BRINP3: variants seen among roughly 807,000 people sequenced by gnomAD.
BRINP3 encodes BMP/retinoic acid-inducible neural-specific protein 3.
In BRINP3, 19 loss-of-function variants were observed where a neutral mutation model predicts 71.0. That is an observed-to-expected ratio of 0.27 (90% CI 0.19 to 0.39). The LOEUF (loss-of-function observed/expected upper bound fraction) is 0.39, where lower values mean the gene tolerates loss of function less well. BRINP3 is among the 10% of genes least tolerant of loss of function. The pLI is 1.00. For synonymous variants in BRINP3, 380 were observed against 337.7 expected (o/e 1.13, Z -1.37); for missense variants, 959 against 940.8 (o/e 1.02, Z -0.25).
chr1:190,179,662 A>G (rs1652855586), intron 6 of BRINP3, among the ~76,000 whole-genome samples: 1 of 152,188 alleles, frequency 6.6e-6, no homozygotes, highest in South Asian at 2.1e-4. Flanking sequence ...GAGTCTCTCA[A>G]TGAAAACAAG....
chr1:190,243,565 G>A (rs1431820931), intron 4 of BRINP3, among the ~76,000 whole-genome samples: 1 of 152,038 alleles, frequency 6.6e-6, no homozygotes, highest in Admixed American at 6.6e-5. Context: ...CTCTAGCTGG[G>A]CTAATGAGTT....
chr1:190,376,400 T>C (rs946184078), intron 2 of BRINP3, among the ~76,000 whole-genome samples: 1 of 152,076 alleles, frequency 6.6e-6, no homozygotes, highest in Non-Finnish European at 1.5e-5. Flanking sequence ...ATCAGTGCTG[T>C]TAAATGAAAT....
chr1:190,288,054 A>G (rs936386830), intron 2 of BRINP3, among the ~76,000 whole-genome samples: 13 of 152,102 alleles, frequency 8.5e-5, no homozygotes, highest in Admixed American at 6.6e-4. Flanking sequence ...CTGTAAAAAC[A>G]TACAAACATG....
intron 4 of BRINP3, among the ~76,000 whole-genome samples, chr1:190,240,674 C>T (rs1267340529): frequency 6.6e-6 from 1 of 151,542 alleles, no homozygotes; most frequent in Non-Finnish European, 1.5e-5. Context: ...AGTTTGAGAC[C>T]AGCCTGATCA....
chr1:190,260,553 T>C (rs1170581530), intron 4 of BRINP3, among the ~76,000 whole-genome samples: 1 of 151,900 alleles, frequency 6.6e-6, no homozygotes, highest in Non-Finnish European at 1.5e-5. Flanking sequence ...AACATATATA[T>C]ATATAGAGAG....
chr1:190,281,056 T>G (rs1662999277), intron 3 of BRINP3, among the ~76,000 whole-genome samples: 1 of 151,964 alleles, frequency 6.6e-6, no homozygotes, highest in Non-Finnish European at 1.5e-5. Flanking sequence ...GAAAGTGACA[T>G]TTATTCATTT....
At chr1:190,101,470 C>T (rs1416419701) in intron 7 of BRINP3, among the ~76,000 whole-genome samples, 1 of 152,112 alleles carries the variant, frequency 6.6e-6, no homozygotes, top group Non-Finnish European at 1.5e-5. Context: ...GTTAATACTA[C>T]AGATTCATCA....
At chr1:190,154,161 C>T (rs1180685264) in intron 7 of BRINP3, 2 of 667,858 alleles carry the variant, frequency 3.0e-6, no homozygotes, top group Non-Finnish European at 3.7e-6. Flanking sequence ...CCTTAAGAAC[C>T]AATTTAGGAG....
At chr1:190,263,741 A>G (rs921549689) in intron 4 of BRINP3, among the ~76,000 whole-genome samples, 1 of 151,822 alleles carries the variant, frequency 6.6e-6, no homozygotes, top group Non-Finnish European at 1.5e-5. Context: ...GGTTCCCGGC[A>G]CCACACCCAG....
At chr1:190,307,707 A>G (rs995473467) in intron 2 of BRINP3, among the ~76,000 whole-genome samples, 8 of 151,850 alleles carry the variant, frequency 5.3e-5, no homozygotes, top group Non-Finnish European at 1.0e-4. Flanking sequence ...ACCTCCCTCG[A>G]AAAAAAGAGC....
chr1:190,459,505 A>C (rs757939510), intron 1 of BRINP3, among the ~76,000 whole-genome samples: 20 of 152,080 alleles, frequency 1.3e-4, no homozygotes, highest in Middle Eastern at 3.4e-3. Flanking sequence ...CAAAGATATA[A>C]ACAAAATATT....
chr1:190,147,327 T>A (rs1178290086), intron 7 of BRINP3, among the ~76,000 whole-genome samples: 1 of 152,132 alleles, frequency 6.6e-6, no homozygotes, highest in Non-Finnish European at 1.5e-5. Context: ...GACGATCTTT[T>A]CTTTGGCATA....
At chr1:190,242,233 G>A (rs1480503937) in intron 4 of BRINP3, among the ~76,000 whole-genome samples, 1 of 151,646 alleles carries the variant, frequency 6.6e-6, no homozygotes, top group Non-Finnish European at 1.5e-5. Context: ...GTATTTTGTG[G>A]GAAAAGTGAA....
chr1:190,111,182 T>TA (rs750953190), intron 7 of BRINP3, among the ~76,000 whole-genome samples: 20,648 of 61,808 alleles, frequency 0.33, 4,765 homozygotes, highest in Non-Finnish European at 0.4. Context: ...AAGACTCCAT[T>TA]AAAAAAAAAA....
chr1:190,373,419 T>C (rs1243660893), intron 2 of BRINP3, among the ~76,000 whole-genome samples: 1 of 138,408 alleles, frequency 7.2e-6, no homozygotes, highest in Non-Finnish European at 1.6e-5. Flanking sequence ...GATAATTCCT[T>C]AATTATATAT....
intron 6 of BRINP3, among the ~76,000 whole-genome samples, chr1:190,165,456 TTTTTTG>T (rs1651424404): frequency 9.3e-6 from 1 of 107,626 alleles, no homozygotes; most frequent in African/African-American, 3.7e-5. Context: ...TTTTTTTTTT[TTTTTTG>T]TGTGTGTGTG....
At chr1:190,470,436 A>T (rs1450449979) in intron 1 of BRINP3, among the ~76,000 whole-genome samples, 1 of 151,158 alleles carries the variant, frequency 6.6e-6, no homozygotes, top group Non-Finnish European at 1.5e-5. Context: ...ATAATATGGT[A>T]GCTACTTTAT....
At chr1:190,427,161 T>A (rs568748478) in intron 2 of BRINP3, among the ~76,000 whole-genome samples, 2 of 151,946 alleles carry the variant, frequency 1.3e-5, no homozygotes, top group East Asian at 3.9e-4. Flanking sequence ...TCTATGGGTA[T>A]GAAAAACTAG....
intron 6 of BRINP3, among the ~76,000 whole-genome samples, chr1:190,223,831 CA>C (rs913133468): frequency 1.1e-4 from 17 of 151,562 alleles, no homozygotes; most frequent in African/African-American, 4.1e-4. Context: ...TTGCGGGATA[CA>C]AAATAAACTA....
Sources: allele counts gnomAD v4.1 joint callset (sites outside exome capture counted in the v4.1 genomes callset), GRCh38; gene constraint gnomAD v4.1.1; transcripts MANE v1.5; gene names NCBI Gene and HGNC (gene_info 2026-07-23, HGNC 2026-07-21).